SMARCA4: variants seen among roughly 807,000 people sequenced by gnomAD.
The protein encoded by SMARCA4 is SWI/SNF related BAF chromatin remodeling complex subunit ATPase 4.
SMARCA4 carries 31 observed loss-of-function variants against 193.9 expected under a neutral mutation model. That is an observed-to-expected ratio of 0.16 (90% CI 0.12 to 0.22). The LOEUF is 0.22. SMARCA4 is among the 10% of genes least tolerant of loss of function. The pLI is 1.00. For synonymous variants in SMARCA4, 942 were observed against 933.1 expected, an observed-to-expected ratio of 1.01 and a Z score of -0.17; for missense variants, 1,148 against 2,296.0, an observed-to-expected ratio of 0.50 and a Z score of 10.22.
intron 1 of SMARCA4, among the ~76,000 whole-genome samples, chr19:10,963,370 C>CAA (rs755616481): frequency 0.016 from 867 of 52,876 alleles, 15 homozygotes; most frequent in African/African-American, 0.05. Context: ...AAGACTGTCT[C>CAA]AAAAAAAAAA....
intron 18 of SMARCA4, 65 bp from the exon 19 acceptor site, chr19:11,021,660 G>C (rs781171370): frequency 1.3e-6 from 2 of 1,551,498 alleles, no homozygotes; most frequent in African/African-American, 2.7e-5. Flanking sequence ...CAGAGTGGGA[G>C]ATTCTCCCCA....
At chr19:10,964,841 G>C (rs1003487025) in intron 1 of SMARCA4, among the ~76,000 whole-genome samples, 1 of 151,838 alleles carries the variant, frequency 6.6e-6, no homozygotes, top group East Asian at 1.9e-4. Context: ...TCCTGGTCTC[G>C]AACTCCTGGC....
At chr19:11,046,841 AG>A (rs1340397350) in intron 30 of SMARCA4, among the ~76,000 whole-genome samples, 2 of 151,666 alleles carry the variant, frequency 1.3e-5, no homozygotes, top group Admixed American at 6.6e-5. Flanking sequence ...CTGTTGACTC[AG>A]CTATTCAGGA....
chr19:11,033,510 A>G lies in SMARCA4; in HGVS notation c.3767A>G (p.Gln1256Arg), dbSNP rs2146655522. ...FLQAILEHEE[Q>R]DESRHCSTGS... ...CAGGCCATCCTGGAGCACGAGGAGC[A>G]GGATGAGGTGAGCCCAGCACCGGCC... Residue 1256 changes from glutamine (Q) to arginine (R), a missense_variant, in exon 26 of 35, where the codon CAG becomes CGG. Gln to Arg is a conservative substitution (Grantham distance 43). Coordinates refer to ENST00000344626, the MANE Select transcript of SMARCA4 (RefSeq NM_003072.5). The surrounding 1 kb of genome is among the most constrained non-coding windows in gnomAD (Gnocchi z 9.8). 6.2e-7 allele frequency: 1 copy of G among 1,612,544 alleles called. No homozygotes were observed. The highest frequency in any genetic ancestry group is 8.5e-7 in the Non-Finnish European group (1 of 1,179,372).
At chr19:10,968,724 A>T (rs2084435191) in intron 1 of SMARCA4, among the ~76,000 whole-genome samples, 1 of 152,076 alleles carries the variant, frequency 6.6e-6, no homozygotes, top group Admixed American at 6.6e-5. Flanking sequence ...GGCTGATGTG[A>T]CAGTTGCTGC....
chr19:11,052,717 G>C (rs974592218), intron 30 of SMARCA4, among the ~76,000 whole-genome samples: 1 of 152,192 alleles, frequency 6.6e-6, no homozygotes, highest in Non-Finnish European at 1.5e-5. Flanking sequence ...AGAAAAGAGC[G>C]AACGCCCCTC....
chr19:11,008,827 A>C (rs184108007), intron 14 of SMARCA4, among the ~76,000 whole-genome samples: 7 of 151,026 alleles, frequency 4.6e-5, no homozygotes, highest in Non-Finnish European at 1.0e-4. Flanking sequence ...TACAAAAATT[A>C]GCTGGGCGTG....
chr19:11,037,118 G>A lies in SMARCA4; in HGVS notation c.4170+1986G>A, dbSNP rs190152420. On this transcript the variant is annotated intron_variant, in intron 29 of 34. Transcript: ENST00000344626. Reference sequence around the variant, plus strand: ...TTCACGTACACGTTTTTGCGTGCACGCGTTTCTCTTTAATATGTGATTTCT... The same window carrying A: ...TTCACGTACACGTTTTTGCGTGCACACGTTTCTCTTTAATATGTGATTTCT... 4.5e-4 allele frequency among the ~76,000 whole-genome samples: 69 copies of A among 152,274 alleles called. 1 individual carries two copies. Among genetic ancestry groups the A allele is most frequent in the Admixed American group, 2.5e-3 (38 of 15,290 alleles).
chr19:11,031,627 G>C lies in SMARCA4; in HGVS notation c.3546+734G>C, dbSNP rs146797225. ...CACCAAGCAGTGGGTGTCAACCGCC[G>C]AGTGCACATCGGAAGCTACCCAGCC... On this transcript the variant is annotated intron_variant, in intron 25 of 34. Transcript: ENST00000344626. This position sits in a 1 kb window ranked among gnomAD's most constrained non-coding sequence, Gnocchi z 4.3. The C allele has an allele frequency of 6.6e-6, 1 of 152,316 alleles. No homozygotes were observed. The highest frequency in any genetic ancestry group is 1.5e-5 in the Non-Finnish European group (1 of 68,200). 9.4% of individuals were successfully genotyped at this position (152,316 alleles called of 1,614,324 possible). A position where few individuals can be genotyped will look rare whatever the true frequency, so the allele number is the denominator to read the frequency against.
At chr19:10,998,790 A>G (rs535841892) in intron 11 of SMARCA4, among the ~76,000 whole-genome samples, 3 of 152,068 alleles carry the variant, frequency 2.0e-5, no homozygotes, top group East Asian at 3.9e-4. Context: ...TGCTTTTGGT[A>G]CATGCCCACC....
At chr19:11,032,013 C>T (rs997078334) in intron 25 of SMARCA4, 2 of 152,278 alleles carry the variant, frequency 1.3e-5, no homozygotes, top group Admixed American at 1.3e-4. Flanking sequence ...CTGGTGGCCC[C>T]TTTTACGATC....
chr19:11,008,333 T>C (rs1254997691), intron 14 of SMARCA4: 2 of 375,874 alleles, frequency 5.3e-6, no homozygotes, highest in Non-Finnish European at 1.0e-5. Flanking sequence ...GGGGAAACTT[T>C]CCAGCCTTGT....
At chr19:11,055,231 C>G (rs2076475752) in intron 30 of SMARCA4, among the ~76,000 whole-genome samples, 1 of 152,130 alleles carries the variant, frequency 6.6e-6, no homozygotes, top group African/African-American at 2.4e-5. Flanking sequence ...ACTCTGTCGC[C>G]CAGGCTAGAA....
intron 11 of SMARCA4, among the ~76,000 whole-genome samples, chr19:10,999,766 T>C (rs1196370919): frequency 1.3e-5 from 2 of 152,214 alleles, no homozygotes; most frequent in Non-Finnish European, 2.9e-5. Context: ...ATCAGCAACC[T>C]GATTTCCCTT....
intron 8 of SMARCA4, among the ~76,000 whole-genome samples, chr19:10,993,017 A>C (rs1600047614): frequency 3.6e-5 from 4 of 112,124 alleles, no homozygotes; most frequent in Admixed American, 1.1e-4. Context: ...TCAGAATCTC[A>C]CTCTGTTGCC....
intron 34 of SMARCA4, 117 bp downstream of exon 34, chr19:11,060,304 C>A: frequency 7.6e-7 from 1 of 1,324,238 alleles, no homozygotes; most frequent in Non-Finnish European, 1.1e-6. Context: ...GGTGGGAAAG[C>A]TGAGGCTTGA....
At chr19:11,018,418 A>G in intron 16 of SMARCA4, 1 of 263,372 alleles carries the variant, frequency 3.8e-6, no homozygotes, top group South Asian at 4.4e-5. Flanking sequence ...AACAGCCACG[A>G]GTTGCCGCTC....
chr19:10,997,929 C>T (rs2087239124), intron 11 of SMARCA4, among the ~76,000 whole-genome samples: 1 of 152,220 alleles, frequency 6.6e-6, no homozygotes, highest in African/African-American at 2.4e-5. Context: ...CACTGTTATC[C>T]AATCTATAGG....
chr19:10,969,403 C>T (rs903096704), intron 1 of SMARCA4, among the ~76,000 whole-genome samples: 4 of 152,112 alleles, frequency 2.6e-5, no homozygotes, highest in Admixed American at 6.6e-5. Context: ...TGAGCCACCA[C>T]GCCTGGCGCC....
Sources: allele counts gnomAD v4.1 joint callset (sites outside exome capture counted in the v4.1 genomes callset), GRCh38; gene constraint gnomAD v4.1.1; non-coding constraint Gnocchi (gnomAD v3.1); transcripts MANE v1.5; gene names NCBI Gene and HGNC (gene_info 2026-07-23, HGNC 2026-07-21).